DTNB: variants seen among roughly 807,000 people sequenced by gnomAD.
DTNB encodes DTN-B.
DTNB carries 63 observed loss-of-function variants against 90.7 expected under a neutral mutation model. That is an observed-to-expected ratio of 0.69 (90% CI 0.57 to 0.86). The LOEUF (loss-of-function observed/expected upper bound fraction) is 0.86, where lower values mean the gene tolerates loss of function less well. Ranked by LOEUF, DTNB falls within the 40% of genes least tolerant of loss-of-function variation. The pLI is 0.00. For missense variants in DTNB, 744 were observed against 807.1 expected, an observed-to-expected ratio of 0.92 and a Z score of 0.95; for synonymous variants, 277 against 286.7, an observed-to-expected ratio of 0.97 and a Z score of 0.34.
chr2:25,555,846 T>C (rs1050756022), intron 8 of DTNB, among the ~76,000 whole-genome samples: 2 of 152,012 alleles, frequency 1.3e-5, no homozygotes, highest in African/African-American at 4.8e-5. Context: ...TGAAACCCCA[T>C]CTCTACTAAA....
chr2:25,428,639 G>T (rs1436767166), intron 14 of DTNB, among the ~76,000 whole-genome samples: 2 of 151,920 alleles, frequency 1.3e-5, no homozygotes, highest in South Asian at 2.1e-4. Flanking sequence ...CACCATGTTG[G>T]CCAGGCTGGT....
chr2:25,519,967 A>G (rs936988127), intron 9 of DTNB, among the ~76,000 whole-genome samples: 2 of 152,196 alleles, frequency 1.3e-5, no homozygotes, highest in African/African-American at 4.8e-5. Flanking sequence ...CTCAATAAAT[A>G]CTGTGGAAGA....
intron 3 of DTNB, among the ~76,000 whole-genome samples, chr2:25,637,427 C>T (rs1363313689): frequency 2.0e-5 from 3 of 152,156 alleles, no homozygotes; most frequent in Non-Finnish European, 2.9e-5. Context: ...AGGCAATCTA[C>T]GGAATGGGAG....
chr2:25,508,581 C>G lies in DTNB; in HGVS notation c.1001+22892G>C, dbSNP rs559597852. ...TGGAGTTTCGCTCTTGTTGCCCACA[C>G]TGGAGTGCAACGTCATGATCTTGGC... On this transcript the variant is annotated intron_variant, in intron 9 of 20. Coordinates refer to ENST00000406818, the MANE Select transcript of DTNB (RefSeq NM_021907.5). Among the ~76,000 whole-genome samples the G allele has an allele frequency of 5.7e-4, 85 of 149,608 alleles. 3 individuals carry two copies. Among genetic ancestry groups the G allele is most frequent in the Admixed American group, 1.7e-3 (25 of 15,032 alleles).
intron 4 of DTNB, among the ~76,000 whole-genome samples, chr2:25,618,335 G>A (rs2071394486): frequency 6.6e-6 from 1 of 152,054 alleles, no homozygotes; most frequent in African/African-American, 2.4e-5. Context: ...CTTCTTCTTG[G>A]AAGAACTCAT....
At chr2:25,427,660 A>C (rs764676948) in intron 14 of DTNB, 29 bp from the exon 15 acceptor site, 2 of 1,605,892 alleles carry the variant, frequency 1.2e-6, no homozygotes, top group Non-Finnish European at 1.7e-6. Flanking sequence ...CTATCAGATA[A>C]AGAGACCCTC....
chr2:25,570,635 C>G (rs1290281185), intron 8 of DTNB, among the ~76,000 whole-genome samples: 2 of 152,134 alleles, frequency 1.3e-5, no homozygotes, highest in Non-Finnish European at 2.9e-5. Flanking sequence ...GCATTTGACA[C>G]AGTTGATCAC....
intron 2 of DTNB, among the ~76,000 whole-genome samples, chr2:25,649,565 G>A (rs554736641): frequency 4.0e-4 from 61 of 152,094 alleles, no homozygotes; most frequent in African/African-American, 1.5e-3. Context: ...CGAAAAACAA[G>A]AAAATTAGCC....
chr2:25,449,872 C>T (rs2059013857), intron 12 of DTNB, among the ~76,000 whole-genome samples: 1 of 151,598 alleles, frequency 6.6e-6, no homozygotes, highest in South Asian at 2.1e-4. Context: ...ATGCCATCCT[C>T]CTGCCTTAGC....
At chr2:25,422,828 T>C (rs975833736) in intron 15 of DTNB, among the ~76,000 whole-genome samples, 1 of 152,198 alleles carries the variant, frequency 6.6e-6, no homozygotes, top group Non-Finnish European at 1.5e-5. Context: ...TAATTAATAC[T>C]CATTAATCAG....
intron 14 of DTNB, among the ~76,000 whole-genome samples, chr2:25,428,391 A>G (rs1435120371): frequency 4.6e-5 from 7 of 150,700 alleles, no homozygotes; most frequent in African/African-American, 1.7e-4. Flanking sequence ...AGCACTCCTT[A>G]CCTCAAGCAT....
At chr2:25,384,778 T>C (rs569465726) in intron 18 of DTNB, among the ~76,000 whole-genome samples, 2 of 152,238 alleles carry the variant, frequency 1.3e-5, no homozygotes, top group African/African-American at 2.4e-5. Context: ...GTGATTAGAG[T>C]TGATCATGAA....
rs1553562290 is a variant in DTNB at position 25,583,262 on chromosome 2, A to AT, written c.604-2437_604-2436insA. ...ATTCCGTCTCAAAAAAAAAAAAAAA[A>AT]ATATATATATATATATATACACACA... On this transcript the variant is annotated intron_variant, in intron 6 of 20. Coordinates refer to ENST00000406818, the MANE Select transcript of DTNB (RefSeq NM_021907.5). Among the ~76,000 whole-genome samples, 1,018 of 137,312 alleles carry AT rather than the reference A, an allele frequency of 7.4e-3. 5 individuals carry two copies. The highest frequency in any genetic ancestry group is 8.8e-3 in the Non-Finnish European group (576 of 65,260). 90.1% of individuals were successfully genotyped at this position (137,312 alleles called of 152,430 possible). A position where few individuals can be genotyped will look rare whatever the true frequency, so the allele number is the denominator to read the frequency against.
chr2:25,390,472 T>A (rs1283165764), intron 16 of DTNB, among the ~76,000 whole-genome samples: 1 of 151,834 alleles, frequency 6.6e-6, no homozygotes, highest in Non-Finnish European at 1.5e-5. Flanking sequence ...GAGATGGAGT[T>A]TCACTCTTTC....
At chr2:25,655,441 A>C (rs2081884247) in intron 1 of DTNB, among the ~76,000 whole-genome samples, 1 of 152,144 alleles carries the variant, frequency 6.6e-6, no homozygotes, top group Non-Finnish European at 1.5e-5. Flanking sequence ...TCACCAACAC[A>C]GTATGATATG....
rs566495581 is a variant in DTNB, at chr2:25,404,555, T to G, written c.1575+14960A>C. Among the ~76,000 whole-genome samples the G allele has an allele frequency of 1.2e-3, 186 of 152,060 alleles. 1 individual carries two copies. The highest frequency in any genetic ancestry group is 3.4e-3 in the Middle Eastern group (1 of 294). ...TAAATGAGCAGCTGCAGAGTTTATTTAATAGGCCACAGATAAGGGCTGGGC... is the reference window on the plus strand; with the variant it reads ...TAAATGAGCAGCTGCAGAGTTTATTGAATAGGCCACAGATAAGGGCTGGGC... On this transcript the variant is annotated intron_variant, in intron 16 of 20. Transcript: ENST00000406818.
chr2:25,566,053 A>G (rs771471775), intron 8 of DTNB, among the ~76,000 whole-genome samples: 9 of 152,228 alleles, frequency 5.9e-5, no homozygotes, highest in Non-Finnish European at 1.2e-4. Flanking sequence ...GGGAGATTAC[A>G]CTGGGTGGGC....
chr2:25,628,791 T>G (rs908758314), intron 3 of DTNB, among the ~76,000 whole-genome samples: 8 of 152,208 alleles, frequency 5.3e-5, no homozygotes, highest in African/African-American at 1.7e-4. Flanking sequence ...ATTTTACAAC[T>G]GAAACTTTAC....
At chr2:25,523,573 G>A (rs977893312) in intron 9 of DTNB, among the ~76,000 whole-genome samples, 6 of 151,404 alleles carry the variant, frequency 4.0e-5, no homozygotes, top group Non-Finnish European at 5.9e-5. Context: ...CCTGGGAAGC[G>A]GAGGTTGCAG....
Sources: allele counts gnomAD v4.1 joint callset (sites outside exome capture counted in the v4.1 genomes callset), GRCh38; gene constraint gnomAD v4.1.1; transcripts MANE v1.5; gene names NCBI Gene and HGNC (gene_info 2026-07-23, HGNC 2026-07-21).